Variants in CLPB observed in about 807,000 individuals in gnomAD.
CLPB encodes the protein mitochondrial disaggregase.
In CLPB, 40 loss-of-function variants were observed where a neutral mutation model predicts 78.4. The ratio of observed to expected loss-of-function variants is 0.51; its 90% CI spans 0.40 to 0.66. The LOEUF (loss-of-function observed/expected upper bound fraction) is 0.66, where lower values mean the gene tolerates loss of function less well. Ranked by LOEUF, CLPB falls within the 30% of genes least tolerant of loss-of-function variation. The pLI is 0.00. For synonymous variants in CLPB, 333 were observed against 348.0 expected, an observed-to-expected ratio of 0.96 and a Z score of 0.48; for missense variants, 780 against 886.9, an observed-to-expected ratio of 0.88 and a Z score of 1.53.
intron 6 of CLPB, among the ~76,000 whole-genome samples, chr11:72,325,540 A>G (rs1175358617): frequency 6.6e-6 from 1 of 152,216 alleles, no homozygotes; most frequent in Non-Finnish European, 1.5e-5. Flanking sequence ...AGTGAGGGAC[A>G]CATCATTCAG....
At chr11:72,401,114 C>A (rs1046659180) in intron 3 of CLPB, among the ~76,000 whole-genome samples, 3 of 152,176 alleles carry the variant, frequency 2.0e-5, no homozygotes, top group African/African-American at 7.2e-5. Context: ...GGTCTCTCAA[C>A]TACGAAGCCT....
intron 2 of CLPB, chr11:72,429,099 ATC>A (rs1468637427): frequency 6.6e-6 from 1 of 152,208 alleles, no homozygotes; most frequent in African/African-American, 2.4e-5. Context: ...AGCAAAGCAC[ATC>A]TGTTTCTGGA....
chr11:72,362,457 A>C (rs955687551), intron 4 of CLPB, among the ~76,000 whole-genome samples: 1 of 152,208 alleles, frequency 6.6e-6, no homozygotes, highest in African/African-American at 2.4e-5. Context: ...TAAACACATC[A>C]AACATAAACA....
chr11:72,377,316 T>G (rs1377919190), intron 4 of CLPB, among the ~76,000 whole-genome samples: 1 of 152,202 alleles, frequency 6.6e-6, no homozygotes, highest in African/African-American at 2.4e-5. Context: ...AGTAAGAACA[T>G]GACGGCAGGG....
intron 3 of CLPB, among the ~76,000 whole-genome samples, chr11:72,394,234 G>A (rs1243762554): frequency 6.6e-6 from 1 of 152,188 alleles, no homozygotes; most frequent in Non-Finnish European, 1.5e-5. Flanking sequence ...AAAATAAGCA[G>A]CTTATGGTAC....
intron 11 of CLPB, among the ~76,000 whole-genome samples, chr11:72,297,700 T>TGTGTGTGTGTGTGTGA (rs1294715631): frequency 9.8e-5 from 12 of 122,020 alleles, no homozygotes; most frequent in Non-Finnish European, 2.0e-4. Flanking sequence ...TGTGTGTGTG[T>TGTGTGTGTGTGTGTGA]GTGACATGTC....
intron 5 of CLPB, among the ~76,000 whole-genome samples, chr11:72,334,664 T>G (rs1307136487): frequency 6.6e-6 from 1 of 152,236 alleles, no homozygotes; most frequent in East Asian, 1.9e-4. Flanking sequence ...GACCTCCCCT[T>G]GCCTCCCACC....
chr11:72,313,345 C>G (rs889068775), intron 7 of CLPB, among the ~76,000 whole-genome samples: 2 of 152,212 alleles, frequency 1.3e-5, no homozygotes, highest in Non-Finnish European at 2.9e-5. Context: ...AAAGAGCTCT[C>G]TTCTTAGTCC....
At position 72,312,516 on chromosome 11, in the gene CLPB, G is replaced by A. The variant is rs1204514480; in HGVS notation, c.989-3912C>T. ...GTGTCCTGGGTGCCCTATTTTCTGAGGACCCCTGAGACTAGCCCAACACTG... is the reference window on the plus strand; with the variant it reads ...GTGTCCTGGGTGCCCTATTTTCTGAAGACCCCTGAGACTAGCCCAACACTG... On this transcript the variant is annotated intron_variant, in intron 7 of 15. Transcript: ENST00000538039. This position sits in a 1 kb window ranked among gnomAD's most constrained non-coding sequence, Gnocchi z 4.2. 6.6e-6 allele frequency among the ~76,000 whole-genome samples: 1 copy of A among 152,078 alleles called. No individual in the cohort carries two copies. The highest frequency in any genetic ancestry group is 1.5e-5 in the Non-Finnish European group (1 of 68,010).
rs1318106248 is a variant in CLPB, at chr11:72,288,661, C to G, written c.*4706G>C. 2 of 152,228 alleles carry G rather than the reference C, an allele frequency of 1.3e-5. No homozygotes were observed. The highest frequency in any genetic ancestry group is 4.8e-5 in the African/African-American group (2 of 41,430). The allele number at this position is 152,228 out of a possible 1,614,324, so 9.4% of individuals were successfully genotyped here. The stretch of plus-strand genomic sequence containing the variant: ...CTGCACTTGCTGCAGGTCCCATCCA[C>G]TCACCCAAGTATAATAATAAAGGAA... On this transcript the variant is annotated 3_prime_UTR_variant, in exon 16 of 16. Coordinates refer to ENST00000538039, the MANE Select transcript of CLPB (RefSeq NM_001258392.3).
intron 2 of CLPB, among the ~76,000 whole-genome samples, chr11:72,409,640 T>C (rs1222536259): frequency 6.6e-6 from 1 of 151,670 alleles, no homozygotes; most frequent in Non-Finnish European, 1.5e-5. Context: ...TCTCAGGCAG[T>C]AGAGTGGGTC....
At chr11:72,432,698 T>C (rs1170293300) in intron 1 of CLPB, among the ~76,000 whole-genome samples, 1 of 152,214 alleles carries the variant, frequency 6.6e-6, no homozygotes, top group Non-Finnish European at 1.5e-5. Flanking sequence ...AAAACCCTCA[T>C]TTTGTAGATG....
chr11:72,333,917 T>C (rs756269745), intron 5 of CLPB, among the ~76,000 whole-genome samples: 7 of 152,128 alleles, frequency 4.6e-5, no homozygotes, highest in Non-Finnish European at 8.8e-5. Context: ...CTGTCCTTTC[T>C]TAGCCTCAAG....
At chr11:72,301,589 C>G (rs1949656232) in intron 11 of CLPB, among the ~76,000 whole-genome samples, 1 of 152,234 alleles carries the variant, frequency 6.6e-6, no homozygotes, top group Admixed American at 6.5e-5. Flanking sequence ...CACACAATTT[C>G]AACTCTTAGG....
intron 4 of CLPB, among the ~76,000 whole-genome samples, chr11:72,379,159 A>G (rs962542980): frequency 6.6e-6 from 1 of 152,218 alleles, no homozygotes; most frequent in Non-Finnish European, 1.5e-5. Context: ...ATACCACGTC[A>G]GTCTGGCAGC....
chr11:72,358,742 A>C, intron 5 of CLPB, 138 bp downstream of exon 5: 8 of 715,660 alleles, frequency 1.1e-5, no homozygotes, highest in African/African-American at 1.8e-5. Context: ...GCTCTGGGGA[A>C]GTATGTTATT....
intron 11 of CLPB, among the ~76,000 whole-genome samples, chr11:72,296,097 AAT>A (rs1310116125): frequency 6.6e-6 from 1 of 152,320 alleles, no homozygotes; most frequent in East Asian, 1.9e-4. Flanking sequence ...CTGACCATCC[AAT>A]ATGTTACGTA....
chr11:72,325,986 A>G (rs1950127175), intron 6 of CLPB, among the ~76,000 whole-genome samples: 1 of 152,072 alleles, frequency 6.6e-6, no homozygotes, highest in African/African-American at 2.4e-5. Context: ...ATAAGAGGAA[A>G]CCTATTGTTC....
intron 5 of CLPB, among the ~76,000 whole-genome samples, chr11:72,351,911 A>G (rs1950620808): frequency 2.0e-5 from 3 of 152,100 alleles, no homozygotes; most frequent in Admixed American, 2.0e-4. Context: ...AGTGTAACAT[A>G]TAAAGAAAAG....
Sources: gnomAD v4.1 joint callset for allele counts (sites outside exome capture counted in the v4.1 genomes callset) on GRCh38, gnomAD v4.1.1 for gene constraint, Gnocchi (gnomAD v3.1) non-coding constraint, MANE v1.5 for transcripts, NCBI Gene and HGNC (gene_info 2026-07-23, HGNC 2026-07-21) for gene names.